Variants in ARHGAP42 observed in about 807,000 individuals in gnomAD.
ARHGAP42 encodes rho GTPase-activating protein 42.
Under a neutral mutation model 125.0 loss-of-function variants are expected in ARHGAP42, and 63 were observed. The observed-to-expected ratio is 0.50, with a 90% CI of 0.41 to 0.62. The LOEUF is 0.62. Among genes scored for constraint, ARHGAP42 ranks in the 20% least tolerant of loss-of-function variants. The pLI is 0.00. For missense variants in ARHGAP42, 766 were observed against 1,024.2 expected, an observed-to-expected ratio of 0.75 and a Z score of 3.44; for synonymous variants, 339 against 351.0, an observed-to-expected ratio of 0.97 and a Z score of 0.38.
At position 100,943,741 on chromosome 11, in the gene ARHGAP42, GTACTCTTCTTGTTTCAGAATGGCCTTGT is replaced by G; in HGVS notation, c.934-13_948del. 3 of 1,472,796 alleles carry G rather than the reference GTACTCTTCTTGTTTCAGAATGGCCTTGT, an allele frequency of 2.0e-6. No homozygotes were observed. Among genetic ancestry groups the G allele is most frequent in the Non-Finnish European group, 2.8e-6 (3 of 1,077,720 alleles). The allele number at this position is 1,472,796 out of a possible 1,614,324, so 91.2% of individuals were successfully genotyped here. A position where few individuals can be genotyped will look rare whatever the true frequency, so the allele number is the denominator to read the frequency against. On this transcript the variant is annotated splice_acceptor_variant and splice_polypyrimidine_tract_variant and coding_sequence_variant and intron_variant, in exon 10 of 24. Transcript: ENST00000298815. LOFTEE classifies it high-confidence loss of function. The stretch of plus-strand genomic sequence containing the variant: ...CACTTGTCAGCATGTTAATACTGTG[GTACTCTTCTTGTTTCAGAATGGCCTTGT>G]TACTAGCTCACCGGAAATGTTTAAA...
intron 1 of ARHGAP42, among the ~76,000 whole-genome samples, chr11:100,689,808 G>T (rs923160120): frequency 3.9e-5 from 6 of 152,174 alleles, no homozygotes; most frequent in Admixed American, 2.0e-4. Context: ...CTTGGTAAAA[G>T]GATTCCTAAC....
In ARHGAP42 at chr11:100,752,975, T is replaced by G. The variant is rs115079652; in HGVS notation, c.155-17368T>G. Among the ~76,000 whole-genome samples, 401 of 152,304 alleles carry G rather than the reference T, an allele frequency of 2.6e-3. 1 individual carries two copies. Among genetic ancestry groups the G allele is most frequent in the African/African-American group, 9.3e-3 (387 of 41,570 alleles). ...CCACAATAGTGATGGGATTTGTGCT[T>G]GCTTTATGTTACCCAGGGGATGTAC... On this transcript the variant is annotated intron_variant, in intron 1 of 23. Transcript: ENST00000298815.
intron 1 of ARHGAP42, among the ~76,000 whole-genome samples, chr11:100,691,522 T>TTTTA (rs375674089): frequency 9.9e-5 from 15 of 151,720 alleles, no homozygotes; most frequent in African/African-American, 3.6e-4. Context: ...GCAAGGAGAT[T>TTTTA]TTTATTTATT....
chr11:100,798,970 C>G (rs1302513054), intron 3 of ARHGAP42, among the ~76,000 whole-genome samples: 1 of 152,172 alleles, frequency 6.6e-6, no homozygotes, highest in Admixed American at 6.5e-5. Flanking sequence ...TGAACTTGGA[C>G]AGAGGCCCCA....
In ARHGAP42 at chr11:100,969,929, C is replaced by T. The variant is rs542455712; in HGVS notation, c.1551-3246C>T. The stretch of plus-strand genomic sequence containing the variant: ...CATTTTAGCTACTGTTTTGTAGCAA[C>T]GAATACTGATACTAGTACTGATTCT... On this transcript the variant is annotated intron_variant, in intron 17 of 23. Coordinates refer to ENST00000298815, the MANE Select transcript of ARHGAP42 (RefSeq NM_152432.4). Among the ~76,000 whole-genome samples the T allele has an allele frequency of 1.9e-4, 29 of 152,066 alleles. No individual in the cohort carries two copies. In the South Asian group the frequency reaches 2.1e-3, roughly 11 times the overall value.
At chr11:100,814,928 TC>T (rs1864230558) in intron 3 of ARHGAP42, among the ~76,000 whole-genome samples, 1 of 152,232 alleles carries the variant, frequency 6.6e-6, no homozygotes, top group South Asian at 2.1e-4. Context: ...TGTTTCTTCT[TC>T]CATTCGTCAC....
chr11:100,713,868 C>G (rs566346148), intron 1 of ARHGAP42, among the ~76,000 whole-genome samples: 2 of 152,128 alleles, frequency 1.3e-5, no homozygotes, highest in South Asian at 4.1e-4. Context: ...ATTTTGTTTA[C>G]TTTGGTGATC....
At position 100,903,117 on chromosome 11, in the gene ARHGAP42, G is replaced by GCGCACA. The variant is rs373508179; in HGVS notation, c.385-10334_385-10333insGCACAC. Among the ~76,000 whole-genome samples, 203 of 132,036 alleles carry GCGCACA rather than the reference G, an allele frequency of 1.5e-3. 8 individuals carry two copies. The South Asian group carries it at 0.035, about 23-fold the overall frequency. 86.6% of individuals were successfully genotyped at this position (132,036 alleles called of 152,430 possible). A position where few individuals can be genotyped will look rare whatever the true frequency, so the allele number is the denominator to read the frequency against. On this transcript the variant is annotated intron_variant, in intron 4 of 23. Transcript: ENST00000298815. ...TCCTCAATCTTGCTGTCCAAGATGC[G>GCGCACA]CACACACACACACACACACACACAC...
intron 4 of ARHGAP42, among the ~76,000 whole-genome samples, chr11:100,878,474 T>A (rs913413057): frequency 6.6e-6 from 1 of 152,194 alleles, no homozygotes; most frequent in African/African-American, 2.4e-5. Context: ...TTACTAATGC[T>A]TAGAAAGATT....
At chr11:100,952,112 T>C (rs189869643) in intron 12 of ARHGAP42, among the ~76,000 whole-genome samples, 3 of 152,310 alleles carry the variant, frequency 2.0e-5, no homozygotes, top group Admixed American at 2.0e-4. Flanking sequence ...TTTGATTTAT[T>C]TTAAGCCATA....
At chr11:100,698,759 C>T (rs890634713) in intron 1 of ARHGAP42, among the ~76,000 whole-genome samples, 1 of 152,120 alleles carries the variant, frequency 6.6e-6, no homozygotes, top group Non-Finnish European at 1.5e-5. Flanking sequence ...GAAGAACATT[C>T]TCTTTAAAAA....
intron 5 of ARHGAP42, among the ~76,000 whole-genome samples, chr11:100,920,214 G>A (rs183851706): frequency 2.6e-5 from 4 of 152,138 alleles, no homozygotes; most frequent in East Asian, 1.9e-4. Flanking sequence ...AACTTTAAAC[G>A]TCTCTAGTGA....
intron 1 of ARHGAP42, among the ~76,000 whole-genome samples, chr11:100,698,700 T>TA (rs1030286317): frequency 2.0e-5 from 3 of 152,122 alleles, no homozygotes; most frequent in African/African-American, 7.3e-5. Flanking sequence ...GGGTCATTTT[T>TA]AAAAAATTTA....
intron 4 of ARHGAP42, among the ~76,000 whole-genome samples, chr11:100,891,256 C>T (rs558579298): frequency 6.6e-6 from 1 of 152,112 alleles, no homozygotes; most frequent in Non-Finnish European, 1.5e-5. Flanking sequence ...CCGTAGCAAG[C>T]TCCTAATGTC....
intron 5 of ARHGAP42, among the ~76,000 whole-genome samples, chr11:100,914,419 G>A (rs1867008534): frequency 1.3e-5 from 2 of 151,814 alleles, no homozygotes; most frequent in South Asian, 4.2e-4. Flanking sequence ...CTTTTACTAA[G>A]GAATAATGTA....
At chr11:100,890,219 T>C (rs531147343) in intron 4 of ARHGAP42, among the ~76,000 whole-genome samples, 1 of 152,228 alleles carries the variant, frequency 6.6e-6, no homozygotes, top group Admixed American at 6.5e-5. Context: ...TGTCCCTCCA[T>C]GGTCTAAAAC....
At chr11:100,943,199 CT>C (rs1867927218) in intron 9 of ARHGAP42, among the ~76,000 whole-genome samples, 1 of 151,712 alleles carries the variant, frequency 6.6e-6, no homozygotes, top group African/African-American at 2.4e-5. Context: ...ACCATAATTA[CT>C]TTTGCACCAA....
At chr11:100,719,864 A>G (rs1250859804) in intron 1 of ARHGAP42, among the ~76,000 whole-genome samples, 1 of 152,222 alleles carries the variant, frequency 6.6e-6, no homozygotes, top group African/African-American at 2.4e-5. Context: ...GAAGCAGCAG[A>G]GAGTGCTTAG....
At chr11:100,912,568 C>A (rs1415155658) in intron 4 of ARHGAP42, among the ~76,000 whole-genome samples, 1 of 152,088 alleles carries the variant, frequency 6.6e-6, no homozygotes, top group Non-Finnish European at 1.5e-5. Context: ...ATTGTAGTTA[C>A]TTAGTATTTG....
Sources: gnomAD v4.1 joint callset for allele counts (sites outside exome capture counted in the v4.1 genomes callset) on GRCh38, gnomAD v4.1.1 for gene constraint, MANE v1.5 for transcripts, NCBI Gene and HGNC (gene_info 2026-07-23, HGNC 2026-07-21) for gene names.